Variants in SNTG1 observed in about 807,000 individuals in gnomAD.
SNTG1 encodes the protein syntrophin gamma 1, also known as gamma-1-syntrophin.
A neutral mutation model predicts 74.7 loss-of-function variants in SNTG1; 39 were observed. That is an observed-to-expected ratio of 0.52 (90% CI 0.40 to 0.68). SNTG1 has a LOEUF of 0.68. Among genes scored for constraint, SNTG1 ranks in the 30% least tolerant of loss-of-function variants. The pLI is 0.00. For missense variants in SNTG1, 685 were observed against 609.5 expected (o/e 1.12, Z -1.30); for synonymous variants, 254 against 217.1 (o/e 1.17, Z -1.49).
chr8:50,525,852 C>T (rs1051563785), intron 9 of SNTG1, among the ~76,000 whole-genome samples: 1 of 150,704 alleles, frequency 6.6e-6, no homozygotes, highest in Non-Finnish European at 1.5e-5. Flanking sequence ...CTGGTTTCCA[C>T]TTGGTTTTCG....
rs2095029128 is a variant in SNTG1 at position 50,634,946 on chromosome 8, T to C, written c.850-21963T>C. Among the ~76,000 whole-genome samples the C allele has an allele frequency of 3.3e-5, 5 of 152,192 alleles. No individual in the cohort carries two copies. In the South Asian group the frequency reaches 1.0e-3, roughly 31 times the overall value. Reference sequence around the variant, plus strand: ...TTACATATTATGTAACTTTTTGGTATTGACAGCCGCAGTCTGTACCTTTGG... The same window carrying C: ...TTACATATTATGTAACTTTTTGGTACTGACAGCCGCAGTCTGTACCTTTGG... On this transcript the variant is annotated intron_variant, in intron 13 of 18. Transcript: ENST00000642720.
intron 1 of SNTG1, among the ~76,000 whole-genome samples, chr8:50,124,530 T>C (rs1489606507): frequency 7.0e-6 from 1 of 142,812 alleles, no homozygotes; most frequent in African/African-American, 2.5e-5. Context: ...AAGATTAACG[T>C]TGCATATTAA....
chr8:50,194,319 A>G (rs1010986734), intron 2 of SNTG1, among the ~76,000 whole-genome samples: 2 of 151,978 alleles, frequency 1.3e-5, no homozygotes, highest in Admixed American at 6.6e-5. Context: ...TTTGTTGGCA[A>G]TTTTCAAATT....
chr8:50,750,021 G>A (rs2095563733), intron 17 of SNTG1, among the ~76,000 whole-genome samples: 1 of 151,970 alleles, frequency 6.6e-6, no homozygotes, highest in South Asian at 2.1e-4. Flanking sequence ...GATCTTGGCA[G>A]TCAATTAAAA....
intron 2 of SNTG1, among the ~76,000 whole-genome samples, chr8:50,327,464 TAA>T (rs2090794020): frequency 6.6e-6 from 1 of 152,182 alleles, no homozygotes; most frequent in African/African-American, 2.4e-5. Flanking sequence ...GTCTCTGAAA[TAA>T]GTCTTTCTAC....
At chr8:50,189,305 C>T (rs1417717289) in intron 2 of SNTG1, among the ~76,000 whole-genome samples, 3 of 151,810 alleles carry the variant, frequency 2.0e-5, no homozygotes, top group Non-Finnish European at 4.4e-5. Flanking sequence ...TCTTTGACAT[C>T]ATAAAGCAGT....
chr8:50,501,581 G>C (rs1046568950), intron 8 of SNTG1, among the ~76,000 whole-genome samples: 27 of 150,232 alleles, frequency 1.8e-4, no homozygotes, highest in Non-Finnish European at 1.2e-4. Flanking sequence ...GATTACAGAC[G>C]CCTGCCACGA....
At chr8:50,243,735 A>G (rs2086268374) in intron 2 of SNTG1, among the ~76,000 whole-genome samples, 1 of 152,042 alleles carries the variant, frequency 6.6e-6, no homozygotes, top group Admixed American at 6.6e-5. Flanking sequence ...TACATGTTCT[A>G]GAATGTTAGA....
chr8:50,235,779 C>CA (rs1189118410), intron 2 of SNTG1, among the ~76,000 whole-genome samples: 2 of 151,696 alleles, frequency 1.3e-5, no homozygotes, highest in African/African-American at 4.8e-5. Flanking sequence ...CATGGGAAGA[C>CA]AATGGTATAA....
At chr8:50,228,428 T>C (rs964229317) in intron 2 of SNTG1, among the ~76,000 whole-genome samples, 1 of 151,812 alleles carries the variant, frequency 6.6e-6, no homozygotes, top group Non-Finnish European at 1.5e-5. Flanking sequence ...AGATCCAAAA[T>C]GAACAATCAA....
chr8:50,548,939 G>A (rs1261980482), intron 11 of SNTG1, among the ~76,000 whole-genome samples: 6 of 152,086 alleles, frequency 3.9e-5, no homozygotes, highest in African/African-American at 7.2e-5. Flanking sequence ...TTCATTTCAC[G>A]ACCAGAGGAA....
At chr8:50,484,129 T>TTTCTTTCTTTCTTTCC (rs2093765685) in intron 8 of SNTG1, among the ~76,000 whole-genome samples, 3 of 115,818 alleles carry the variant, frequency 2.6e-5, no homozygotes, top group Non-Finnish European at 5.3e-5. Context: ...TCTTTCTTTC[T>TTTCTTTCTTTCTTTCC]TTCTTTCCTT....
At chr8:50,527,168 T>C (rs1470672688) in intron 9 of SNTG1, among the ~76,000 whole-genome samples, 2 of 151,472 alleles carry the variant, frequency 1.3e-5, no homozygotes, top group African/African-American at 4.9e-5. Flanking sequence ...GTTCAAGACT[T>C]TTCCCCATTT....
At chr8:50,771,579 G>C (rs2095627246) in intron 18 of SNTG1, among the ~76,000 whole-genome samples, 1 of 152,120 alleles carries the variant, frequency 6.6e-6, no homozygotes, top group African/African-American at 2.4e-5. Flanking sequence ...GAAAAGGCAT[G>C]TTTGGAAAGG....
intron 4 of SNTG1, among the ~76,000 whole-genome samples, chr8:50,433,266 T>A (rs1259369976): frequency 6.6e-6 from 1 of 152,170 alleles, no homozygotes; most frequent in Non-Finnish European, 1.5e-5. Flanking sequence ...TTCAATTCTT[T>A]GGGATTTTAT....
intron 2 of SNTG1, among the ~76,000 whole-genome samples, chr8:50,330,445 C>A (rs1266586602): frequency 6.6e-6 from 1 of 152,106 alleles, no homozygotes; most frequent in Admixed American, 6.6e-5. Context: ...TTGGTCAACA[C>A]CATTCAAAAA....
chr8:50,062,012 T>C (rs1315588196), intron 1 of SNTG1, among the ~76,000 whole-genome samples: 1 of 152,140 alleles, frequency 6.6e-6, no homozygotes, highest in Non-Finnish European at 1.5e-5. Context: ...TTATCAATTA[T>C]ATCAGATATT....
At chr8:50,407,963 T>C (rs1288421939) in intron 4 of SNTG1, among the ~76,000 whole-genome samples, 1 of 152,140 alleles carries the variant, frequency 6.6e-6, no homozygotes, top group Admixed American at 6.5e-5. Flanking sequence ...ATGCAAAGTC[T>C]GAAAAATATC....
intron 18 of SNTG1, among the ~76,000 whole-genome samples, chr8:50,756,765 C>G (rs1396319675): frequency 6.6e-6 from 1 of 151,630 alleles, no homozygotes; most frequent in Admixed American, 6.6e-5. Context: ...TTTTGCCTCT[C>G]TCTATATATT....
Sources: allele counts gnomAD v4.1 joint callset (sites outside exome capture counted in the v4.1 genomes callset), GRCh38; gene constraint gnomAD v4.1.1; transcripts MANE v1.5; gene names NCBI Gene and HGNC (gene_info 2026-07-23, HGNC 2026-07-21).